Variants in CD48 observed in about 807,000 individuals in gnomAD.
The protein encoded by CD48 is CD48 molecule.
In CD48, 20 loss-of-function variants were observed where a neutral mutation model predicts 22.0. That is an observed-to-expected ratio of 0.91 (90% CI 0.64 to 1.32). The LOEUF (loss-of-function observed/expected upper bound fraction) is 1.32. Among genes scored for constraint, CD48 ranks in the 40% most tolerant of loss-of-function variants. The pLI is 0.00. For missense variants in CD48, 307 were observed against 286.5 expected, an observed-to-expected ratio of 1.07 and a Z score of -0.52; for synonymous variants, 110 against 110.1, an observed-to-expected ratio of 1.00 and a Z score of 0.01.
Position 160,701,966 on chromosome 1 carries a change from G to A in CD48, c.82+9716C>T, listed in dbSNP as rs928176517. 5.3e-5 allele frequency among the ~76,000 whole-genome samples: 8 copies of A among 152,234 alleles called. No individual in the cohort carries two copies. In the South Asian group the frequency reaches 1.0e-3, roughly 20 times the overall value. On this transcript the variant is annotated intron_variant, in intron 1 of 3. Coordinates refer to ENST00000368046, the MANE Select transcript of CD48 (RefSeq NM_001778.4). ...TAATCCAGTAAGTGGCCTTTTCACC[G>A]CCGGAGCCTATCCCAGGGCCACATG...
intron 3 of CD48, chr1:160,680,846 C>T: frequency 2.3e-6 from 3 of 1,315,324 alleles, no homozygotes; most frequent in Non-Finnish European, 1.9e-6. Context: ...AGCTGCTCGC[C>T]CACTTGCCCT....
rs752850797 is a variant in CD48, at chr1:160,684,931, T to C, written c.341A>G (p.Lys114Arg). Reference sequence around the variant, plus strand: ...CTTCCATTCTTGCTCATTCCCAGTCTTTTTCAACACCCTCATGATGTAGGT... The same window carrying C: ...CTTCCATTCTTGCTCATTCCCAGTCCTTTTCAACACCCTCATGATGTAGGT... ...NSTYIMRVLK[K>R]TGNEQEWKIK... The change falls in exon 2 of 4, where the codon AAG (lysine) becomes AGG (arginine). Residue 114 changes from lysine (K) to arginine (R), a missense_variant. Lys to Arg is a conservative substitution (Grantham distance 26). Coordinates refer to ENST00000368046, the MANE Select transcript of CD48 (RefSeq NM_001778.4). 1.2e-6 allele frequency: 2 copies of C among 1,614,158 alleles called. No homozygotes were observed. The highest frequency in any genetic ancestry group is 8.5e-7 in the Non-Finnish European group (1 of 1,180,026).
intron 1 of CD48, among the ~76,000 whole-genome samples, chr1:160,686,392 A>G (rs570727133): frequency 6.6e-6 from 1 of 152,212 alleles, no homozygotes; most frequent in Non-Finnish European, 1.5e-5. Flanking sequence ...ATATATTCCT[A>G]TCCGGAGGGT....
intron 1 of CD48, among the ~76,000 whole-genome samples, chr1:160,705,977 T>C (rs1002058524): frequency 2.0e-5 from 3 of 152,252 alleles, no homozygotes; most frequent in East Asian, 3.9e-4. Flanking sequence ...AGGTCATCTT[T>C]GGCAGACTCC....
chr1:160,701,338 C>G (rs1453568359), intron 1 of CD48, among the ~76,000 whole-genome samples: 1 of 151,700 alleles, frequency 6.6e-6, no homozygotes, highest in African/African-American at 2.4e-5. Context: ...CAGGAGAATT[C>G]TAAGGGGAAA....
At chr1:160,694,320 T>G (rs1366164366) in intron 1 of CD48, among the ~76,000 whole-genome samples, 1 of 152,156 alleles carries the variant, frequency 6.6e-6, no homozygotes, top group African/African-American at 2.4e-5. Flanking sequence ...AACAGACCTG[T>G]GTGTAAGGCC....
chr1:160,709,084 C>T (rs1325161592), intron 1 of CD48, among the ~76,000 whole-genome samples: 2 of 152,142 alleles, frequency 1.3e-5, no homozygotes, highest in African/African-American at 4.8e-5. Context: ...GAACAGTCTT[C>T]CCCCAAATCT....
rs1293723885 is a variant in CD48, at chr1:160,710,538, C to T, written c.82+1144G>A. Among the ~76,000 whole-genome samples the T allele has an allele frequency of 2.6e-5, 4 of 152,180 alleles. No homozygotes were observed. In the East Asian group the frequency reaches 5.8e-4, roughly 22 times the overall value. On this transcript the variant is annotated intron_variant, in intron 1 of 3. Transcript: ENST00000368046. Reference sequence around the variant, plus strand: ...CCTAGAAAAGAAGTCAGAGAAAGGTCAACTGTCAGGATGTTTTCAGTATGC... The same window carrying T: ...CCTAGAAAAGAAGTCAGAGAAAGGTTAACTGTCAGGATGTTTTCAGTATGC...
At chr1:160,707,775 C>T (rs1364312376) in intron 1 of CD48, among the ~76,000 whole-genome samples, 2 of 152,134 alleles carry the variant, frequency 1.3e-5, no homozygotes, top group Admixed American at 1.3e-4. Flanking sequence ...TTGACTGAAA[C>T]AATGACTCAA....
At chr1:160,685,641 C>CA (rs1412916772) in intron 1 of CD48, among the ~76,000 whole-genome samples, 1 of 151,952 alleles carries the variant, frequency 6.6e-6, no homozygotes, top group African/African-American at 2.4e-5. Context: ...TTTAATATAC[C>CA]AATGTGGGAG....
chr1:160,703,200 G>C (rs1342960152), intron 1 of CD48, among the ~76,000 whole-genome samples: 4 of 152,154 alleles, frequency 2.6e-5, no homozygotes, highest in African/African-American at 7.2e-5. Flanking sequence ...TGACCACCAG[G>C]TATGGAATAC....
At chr1:160,709,737 G>A (rs10489639) in intron 1 of CD48, among the ~76,000 whole-genome samples, 79,344 of 152,012 alleles carry the variant, frequency 0.52, 21,559 homozygotes, top group Non-Finnish European at 0.61. Flanking sequence ...AGGAAGATAT[G>A]GATGTGTAGT....
intron 1 of CD48, among the ~76,000 whole-genome samples, chr1:160,692,929 T>C (rs1182674299): frequency 1.3e-5 from 2 of 152,176 alleles, no homozygotes; most frequent in African/African-American, 4.8e-5. Context: ...TCATTCCTTA[T>C]GATTGGGAGA....
At chr1:160,708,124 G>C (rs1662846961) in intron 1 of CD48, among the ~76,000 whole-genome samples, 1 of 152,262 alleles carries the variant, frequency 6.6e-6, no homozygotes. Context: ...AGCCTAAGTG[G>C]GATGAAACCA....
rs367709405 is a variant in CD48 at position 160,703,339 on chromosome 1, G to A, written c.82+8343C>T. Among the ~76,000 whole-genome samples, 40 of 152,286 alleles carry A rather than the reference G, an allele frequency of 2.6e-4. 1 individual carries two copies. The South Asian group carries it at 5.8e-3, about 22-fold the overall frequency. On this transcript the variant is annotated intron_variant, in intron 1 of 3. Transcript: ENST00000368046. Reference sequence around the variant, plus strand: ...ACATAAGGAGAAGTAGGACCATACTGAGTACAAGCATCCCTAAATTCTTTT... The same window carrying A: ...ACATAAGGAGAAGTAGGACCATACTAAGTACAAGCATCCCTAAATTCTTTT...
At chr1:160,702,779 C>T (rs1207737982) in intron 1 of CD48, among the ~76,000 whole-genome samples, 1 of 152,128 alleles carries the variant, frequency 6.6e-6, no homozygotes, top group Non-Finnish European at 1.5e-5. Context: ...CCTTCACAAG[C>T]TTTAATATAT....
chr1:160,690,951 CA>C (rs1296296745), intron 1 of CD48, among the ~76,000 whole-genome samples: 1 of 152,148 alleles, frequency 6.6e-6, no homozygotes, highest in Non-Finnish European at 1.5e-5. Context: ...TGTGCTGTGT[CA>C]AACTCAGGGT....
Position 160,681,326 on chromosome 1 carries a change from G to T in CD48, c.528C>A (p.Leu176=). The part of the protein sequence containing the change: ...YGDKRPFPKE[L]QNSVLETTLM... Reference sequence around the variant, plus strand: ...GGGTGGTTTCAAGCACACTGTTCTGGAGCTCCTTTGGGAAGGGCCTTTTGT... The same window carrying T: ...GGGTGGTTTCAAGCACACTGTTCTGTAGCTCCTTTGGGAAGGGCCTTTTGT... The change falls in exon 3 of 4, where the codon CTC becomes CTA. Residue 176 remains leucine (L), a synonymous_variant. Coordinates refer to ENST00000368046, the MANE Select transcript of CD48 (RefSeq NM_001778.4). 1.2e-6 allele frequency: 2 copies of T among 1,614,176 alleles called. No homozygotes were observed.
intron 1 of CD48, among the ~76,000 whole-genome samples, chr1:160,690,277 C>T (rs576121699): frequency 2.0e-5 from 3 of 152,194 alleles, no homozygotes; most frequent in Admixed American, 6.5e-5. Flanking sequence ...GTGCCTTCCC[C>T]TGTTTGTCAA....
Sources: allele counts gnomAD v4.1 joint callset (sites outside exome capture counted in the v4.1 genomes callset), GRCh38; gene constraint gnomAD v4.1.1; transcripts MANE v1.5; gene names NCBI Gene and HGNC (gene_info 2026-07-23, HGNC 2026-07-21).